Variants in RFC1 observed in about 807,000 individuals in gnomAD.
The protein encoded by RFC1 is replication factor C subunit 1.
A neutral mutation model predicts 137.4 loss-of-function variants in RFC1; 37 were observed. The ratio of observed to expected loss-of-function variants is 0.27; its 90% CI spans 0.21 to 0.35. The LOEUF (loss-of-function observed/expected upper bound fraction) is 0.35, where lower values mean the gene tolerates loss of function less well. Among genes scored for constraint, RFC1 ranks in the 10% least tolerant of loss-of-function variants. RFC1 has a pLI of 1.00. For missense variants in RFC1, 1,205 were observed against 1,358.5 expected (o/e 0.89, Z 1.78); for synonymous variants, 429 against 455.7 (o/e 0.94, Z 0.75).
chr4:39,354,971 A>C (rs774728893), intron 1 of RFC1, among the ~76,000 whole-genome samples: 15 of 151,110 alleles, frequency 9.9e-5, no homozygotes, highest in Non-Finnish European at 2.1e-4. Flanking sequence ...AATCCTAGCT[A>C]CTCAGGGGGC....
At chr4:39,362,884 G>T in intron 1 of RFC1, among the ~76,000 whole-genome samples, 1 of 152,244 alleles carries the variant, frequency 6.6e-6, no homozygotes, top group East Asian at 1.9e-4. Context: ...GGCCTTAGAG[G>T]CCAAGTTCAG....
chr4:39,299,954 A>G (rs534370341), intron 21 of RFC1, 67 bp downstream of exon 21: 4 of 874,840 alleles, frequency 4.6e-6, no homozygotes, highest in Non-Finnish European at 7.6e-6. Context: ...TAAGTACAGC[A>G]GCTAAAAGCT....
rs779598569 is a variant in RFC1, at chr4:39,329,211, C to T, written c.332-1455G>A. Among the ~76,000 whole-genome samples, 3 of 126,986 alleles carry T rather than the reference C, an allele frequency of 2.4e-5. No individual in the cohort carries two copies. In the Admixed American group the frequency reaches 2.6e-4, roughly 11 times the overall value. The allele number at this position is 126,986 out of a possible 152,430, so 83.3% of individuals were successfully genotyped here. ...CCAATAAAAATGAAAATCTAAGAGA[C>T]AAACATGAGGCCGGGCACGGTAGCA... is the stretch of plus-strand genomic sequence containing the variant. On this transcript the variant is annotated intron_variant, in intron 4 of 24. Coordinates refer to ENST00000349703, the MANE Select transcript of RFC1 (RefSeq NM_002913.5).
In RFC1 at chr4:39,289,888, T is replaced by C; in HGVS notation, c.3320A>G (p.Glu1107Gly). 1.2e-6 allele frequency: 2 copies of C among 1,613,482 alleles called. No homozygotes were observed. Among genetic ancestry groups the C allele is most frequent in the Non-Finnish European group, 1.7e-6 (2 of 1,179,382 alleles). ...ELNEDDSQSD[E>G]KDQDAIETDA... ...AGTTTCTATAGCATCTTGGTCTTTCTCATCAGATTGAGAGTCATCTTCATT... is the reference window on the plus strand; with the variant it reads ...AGTTTCTATAGCATCTTGGTCTTTCCCATCAGATTGAGAGTCATCTTCATT... The change falls in exon 24 of 25, where the codon GAG becomes GGG. Residue 1107 changes from glutamate (E) to glycine (G), a missense_variant. This residue lies in a region of RFC1 where 237 missense variants were observed against 304.2 expected (regional missense o/e 0.78). Transcript: ENST00000349703.
At chr4:39,291,158 CTCATTA>C (rs1421878126) in intron 23 of RFC1, among the ~76,000 whole-genome samples, 2 of 152,008 alleles carry the variant, frequency 1.3e-5, no homozygotes, top group African/African-American at 4.8e-5. Flanking sequence ...TTTTTTTCGT[CTCATTA>C]TAAGAAAAGT....
At chr4:39,342,614 G>T in intron 3 of RFC1, 147 bp from the exon 4 acceptor site, 1 of 709,828 alleles carries the variant, frequency 1.4e-6, no homozygotes, top group Non-Finnish European at 2.2e-6. Context: ...CTTTTACTCA[G>T]TGCTAAGCCT....
intron 1 of RFC1, 56 bp from the exon 2 acceptor site, chr4:39,351,532 C>A: frequency 7.0e-7 from 1 of 1,433,224 alleles, no homozygotes. Context: ...AAAATTATAA[C>A]TTCAATTGTA....
At chr4:39,298,294 T>TGA (rs1429131178) in intron 21 of RFC1, among the ~76,000 whole-genome samples, 1 of 112,270 alleles carries the variant, frequency 8.9e-6, no homozygotes, top group Non-Finnish European at 1.7e-5. Flanking sequence ...CCTGACAGAG[T>TGA]GAGACCTTGT....
intron 2 of RFC1, among the ~76,000 whole-genome samples, chr4:39,346,842 T>G (rs1189810080): frequency 6.6e-6 from 1 of 152,192 alleles, no homozygotes; most frequent in African/African-American, 2.4e-5. Flanking sequence ...GCCTGTAAAC[T>G]TTACCCAAAT....
chr4:39,292,517 C>G (rs752185662), intron 22 of RFC1, among the ~76,000 whole-genome samples: 3 of 152,166 alleles, frequency 2.0e-5, no homozygotes, highest in Non-Finnish European at 2.9e-5. Flanking sequence ...TTCTTAAAGA[C>G]AGAAAGCAAC....
In RFC1 at chr4:39,366,243, G is replaced by A. The variant is rs572797033; in HGVS notation, c.-2C>T. 5.8e-6 allele frequency: 9 copies of A among 1,548,240 alleles called. No individual in the cohort carries two copies. The South Asian group carries it at 8.3e-5, about 14-fold the overall frequency. On this transcript the variant is annotated 5_prime_UTR_variant, in exon 1 of 25. Transcript: ENST00000349703. ...CGGCCTCCCCCAGCGGCTCACCATC[G>A]CAGCCCCAGGATGAAGGCGCTGGCT...
At chr4:39,314,693 C>T (rs535355216) in intron 10 of RFC1, among the ~76,000 whole-genome samples, 208 of 152,202 alleles carry the variant, frequency 1.4e-3, no homozygotes, top group Non-Finnish European at 8.5e-4. Context: ...CCCTTAAGGC[C>T]GACCTTCTCG....
Position 39,351,618 on chromosome 4 carries a change from T to G in RFC1, c.4-142A>C. 3 of 621,148 alleles carry G rather than the reference T, an allele frequency of 4.8e-6. No individual in the cohort carries two copies. In the South Asian group the frequency reaches 7.7e-5, roughly 16 times the overall value. The allele number at this position is 621,148 out of a possible 1,614,324, so 38.5% of individuals were successfully genotyped here. A position where few individuals can be genotyped will look rare whatever the true frequency, so the allele number is the denominator to read the frequency against. On this transcript the variant is annotated intron_variant, in intron 1 of 24. Transcript: ENST00000349703. ...TACCAAGATAGTTCCACGAATATAGTAGCTTTCTTTTCATGTGCAAAAGTT... is the reference window on the plus strand; with the variant it reads ...TACCAAGATAGTTCCACGAATATAGGAGCTTTCTTTTCATGTGCAAAAGTT...
At chr4:39,359,971 C>CT in intron 1 of RFC1, among the ~76,000 whole-genome samples, 1 of 152,104 alleles carries the variant, frequency 6.6e-6, no homozygotes, top group South Asian at 2.1e-4. Flanking sequence ...CACTAAAGAA[C>CT]TTACTCATGT....
intron 10 of RFC1, among the ~76,000 whole-genome samples, chr4:39,314,202 T>A (rs1231111240): frequency 6.6e-6 from 1 of 152,124 alleles, no homozygotes; most frequent in East Asian, 1.9e-4. Flanking sequence ...AAAGAAAAGG[T>A]TTGACTAACA....
intron 21 of RFC1, chr4:39,296,002 C>T (rs944443834): frequency 3.7e-5 from 12 of 325,128 alleles, no homozygotes; most frequent in South Asian, 2.4e-4. Flanking sequence ...GAGATCATGT[C>T]GCCAACTCAG....
chr4:39,327,650 T>C lies in RFC1; in HGVS notation c.438A>G (p.Glu146=), dbSNP rs773664928. ...LGTSNMKKNE[E]NTKTKNKPLS... ...AAGGCTTATTCTTGGTCTTAGTGTT[T>C]TCTTCATTCTTTTTCATGTTTGATG... The change falls in exon 5 of 25, where the codon GAA becomes GAG. Residue 146 remains glutamate (E), a synonymous_variant. Transcript: ENST00000349703. 1.2e-6 allele frequency: 2 copies of C among 1,613,774 alleles called. No individual in the cohort carries two copies. The highest frequency in any genetic ancestry group is 1.7e-6 in the Non-Finnish European group (2 of 1,179,844).
chr4:39,316,264 CA>C (rs1042793351), intron 10 of RFC1, among the ~76,000 whole-genome samples: 1 of 152,120 alleles, frequency 6.6e-6, no homozygotes, highest in Non-Finnish European at 1.5e-5. Flanking sequence ...TTCTCTTAGA[CA>C]AAAGTCTTAA....
chr4:39,299,731 A>C (rs955093491), intron 21 of RFC1, among the ~76,000 whole-genome samples: 3 of 152,034 alleles, frequency 2.0e-5, no homozygotes, highest in African/African-American at 2.4e-5. Context: ...CACAAGAGCC[A>C]TAACATTTAT....
Sources: gnomAD v4.1 joint callset for allele counts (sites outside exome capture counted in the v4.1 genomes callset) on GRCh38, gnomAD v4.1.1 for gene constraint, gnomAD v4.1.1 regional missense constraint, MANE v1.5 for transcripts, NCBI Gene and HGNC (gene_info 2026-07-23, HGNC 2026-07-21) for gene names.